Variants in ADAMTSL1 observed in about 807,000 individuals in gnomAD.
ADAMTSL1 encodes ADAMTS-like protein 1.
In ADAMTSL1, 126 loss-of-function variants were observed where a neutral mutation model predicts 201.8. That is an observed-to-expected ratio of 0.62 (90% CI 0.54 to 0.72). ADAMTSL1 has a LOEUF of 0.72. Among genes scored for constraint, ADAMTSL1 ranks in the 30% least tolerant of loss-of-function variants. The pLI is 0.00. For synonymous variants in ADAMTSL1, 1,121 were observed against 903.4 expected, an observed-to-expected ratio of 1.24 and a Z score of -4.32; for missense variants, 2,679 against 2,277.8, an observed-to-expected ratio of 1.18 and a Z score of -3.59.
rs201034768 is a variant in ADAMTSL1 at position 18,775,810 on chromosome 9, G to A, written c.2465G>A (p.Gly822Asp). The change falls in exon 18 of 29, where the codon GGC becomes GAC. Residue 822 changes from glycine (G) to aspartate (D), a missense_variant. Transcript: ENST00000380548. ...ATTTGCCGAAAGATGCTGAAAACCG[G>A]CCTCTCAACGGTTGTCAATTCCACC... ...SAICRKMLKT[G>D]LSTVVNSTLC... 2,270 of 1,610,958 alleles carry A rather than the reference G, an allele frequency of 1.4e-3. No homozygotes were observed. Among genetic ancestry groups the A allele is most frequent in the Non-Finnish European group, 1.8e-3 (2,088 of 1,178,500 alleles).
At chr9:18,704,415 T>G (rs2133319300) in intron 13 of ADAMTSL1, among the ~76,000 whole-genome samples, 1 of 152,316 alleles carries the variant, frequency 6.6e-6, no homozygotes, top group East Asian at 1.9e-4. Context: ...GTGCAGTTCT[T>G]TTTGAGATCT....
intron 7 of ADAMTSL1, among the ~76,000 whole-genome samples, chr9:18,643,218 C>A (rs994565942): frequency 3.9e-5 from 6 of 152,072 alleles, no homozygotes; most frequent in Non-Finnish European, 7.4e-5. Context: ...ATTTGTATGT[C>A]TTCTCTTGAG....
At chr9:18,374,997 T>C (rs1480614619) in intron 2 of ADAMTSL1, among the ~76,000 whole-genome samples, 1 of 152,254 alleles carries the variant, frequency 6.6e-6, no homozygotes, top group African/African-American at 2.4e-5. Context: ...TAGATACCTG[T>C]CACTGGCATG....
At chr9:18,159,308 T>A (rs1439076347) in intron 1 of ADAMTSL1, among the ~76,000 whole-genome samples, 1 of 152,002 alleles carries the variant, frequency 6.6e-6, no homozygotes, top group Non-Finnish European at 1.5e-5. Flanking sequence ...GAAACCTAAG[T>A]CCTACCCATG....
At chr9:18,428,059 T>G (rs1819305096) in intron 2 of ADAMTSL1, among the ~76,000 whole-genome samples, 1 of 152,224 alleles carries the variant, frequency 6.6e-6, no homozygotes. Context: ...AGGTTATTTC[T>G]TGAGGGCTAC....
At chr9:17,922,436 T>G (rs902007654) in intron 1 of ADAMTSL1, among the ~76,000 whole-genome samples, 1 of 152,212 alleles carries the variant, frequency 6.6e-6, no homozygotes, top group African/African-American at 2.4e-5. Context: ...AAGTTTTTCA[T>G]TGCAGATTCC....
chr9:18,690,796 C>T (rs1372570939), intron 13 of ADAMTSL1, among the ~76,000 whole-genome samples: 1 of 152,146 alleles, frequency 6.6e-6, no homozygotes, highest in Admixed American at 6.5e-5. Context: ...GGCCTCTTCC[C>T]TATTCTCTGC....
chr9:18,798,271 C>G (rs4977440), intron 20 of ADAMTSL1, among the ~76,000 whole-genome samples: 21,207 of 152,072 alleles, frequency 0.14, 1,734 homozygotes, highest in Non-Finnish European at 0.19. Flanking sequence ...GCTCTGGAGC[C>G]TTAGGGTCTA....
At chr9:18,276,401 T>C (rs1245895831) in intron 2 of ADAMTSL1, among the ~76,000 whole-genome samples, 1 of 152,244 alleles carries the variant, frequency 6.6e-6, no homozygotes, top group African/African-American at 2.4e-5. Context: ...ATGTGTCCTA[T>C]GAAAACTTTG....
intron 12 of ADAMTSL1, among the ~76,000 whole-genome samples, chr9:18,683,957 G>A (rs749615746): frequency 2.0e-5 from 3 of 152,066 alleles, no homozygotes; most frequent in Non-Finnish European, 2.9e-5. Flanking sequence ...TACTATAAAG[G>A]CAAATATCCC....
intron 23 of ADAMTSL1, among the ~76,000 whole-genome samples, chr9:18,883,926 T>C (rs1828697419): frequency 6.6e-6 from 1 of 152,194 alleles, no homozygotes; most frequent in African/African-American, 2.4e-5. Flanking sequence ...CTTTTGAATA[T>C]ATACCCTAAA....
intron 1 of ADAMTSL1, among the ~76,000 whole-genome samples, chr9:18,124,899 C>G (rs1191497705): frequency 6.6e-6 from 1 of 152,054 alleles, no homozygotes; most frequent in Non-Finnish European, 1.5e-5. Flanking sequence ...CCAGAAAATA[C>G]TGTTGAGGGT....
intron 4 of ADAMTSL1, among the ~76,000 whole-genome samples, chr9:18,616,037 T>A (rs1422524235): frequency 1.3e-5 from 2 of 152,148 alleles, no homozygotes; most frequent in Admixed American, 1.3e-4. Flanking sequence ...AATTGCTTTT[T>A]TTTTTGGAGA....
chr9:17,960,493 C>A (rs1009318634), intron 1 of ADAMTSL1, among the ~76,000 whole-genome samples: 1 of 150,228 alleles, frequency 6.7e-6, no homozygotes, highest in African/African-American at 2.5e-5. Context: ...GACTCAAACT[C>A]CACCATTGAC....
intron 15 of ADAMTSL1, among the ~76,000 whole-genome samples, chr9:18,725,855 C>T (rs1320552392): frequency 6.6e-6 from 1 of 152,096 alleles, no homozygotes; most frequent in Non-Finnish European, 1.5e-5. Flanking sequence ...AAAGCTTTTT[C>T]CCTTTGTAAA....
chr9:18,343,984 T>C (rs1254723103), intron 2 of ADAMTSL1, among the ~76,000 whole-genome samples: 1 of 152,138 alleles, frequency 6.6e-6, no homozygotes, highest in Non-Finnish European at 1.5e-5. Context: ...TACAATCCCA[T>C]GTGATTTCTT....
chr9:18,489,384 C>A (rs186175793), intron 1 of ADAMTSL1, among the ~76,000 whole-genome samples: 100 of 152,268 alleles, frequency 6.6e-4, no homozygotes, highest in African/African-American at 2.3e-3. Flanking sequence ...TGAGAGGAAG[C>A]ATTCTGGTGC....
At chr9:18,700,616 A>T (rs1224701768) in intron 13 of ADAMTSL1, among the ~76,000 whole-genome samples, 1 of 152,158 alleles carries the variant, frequency 6.6e-6, no homozygotes, top group Non-Finnish European at 1.5e-5. Context: ...AAGTTTAAAA[A>T]ATATATATAA....
intron 2 of ADAMTSL1, among the ~76,000 whole-genome samples, chr9:18,225,198 G>A (rs1434897311): frequency 6.6e-6 from 1 of 152,068 alleles, no homozygotes; most frequent in Non-Finnish European, 1.5e-5. Flanking sequence ...TCTGCTTTCA[G>A]GCTGGTCCAC....
Sources: allele counts gnomAD v4.1 joint callset (sites outside exome capture counted in the v4.1 genomes callset), GRCh38; gene constraint gnomAD v4.1.1; transcripts MANE v1.5; gene names NCBI Gene and HGNC (gene_info 2026-07-23, HGNC 2026-07-21).